COL6A5: variants seen among roughly 807,000 people sequenced by gnomAD.
The protein encoded by COL6A5 is collagen alpha-5(VI) chain.
A neutral mutation model predicts 65.6 loss-of-function variants in COL6A5; 48 were observed. The observed-to-expected ratio is 0.73, with a 90% CI of 0.58 to 0.93. The LOEUF (loss-of-function observed/expected upper bound fraction) is 0.93, where lower values mean the gene tolerates loss of function less well. Among genes scored for constraint, COL6A5 ranks in the 40% least tolerant of loss-of-function variants. COL6A5 has a pLI of 0.00. For synonymous variants in COL6A5, 291 were observed against 322.8 expected (o/e 0.90, Z 1.05); for missense variants, 914 against 928.3 (o/e 0.98, Z 0.20).
chr3:130,469,563 G>T, intron 6 of COL6A5, 82 bp downstream of exon 38: 1 of 1,116,094 alleles, frequency 9.0e-7, no homozygotes, highest in Non-Finnish European at 1.3e-6. Context: ...TTAGTAAAAT[G>T]ATCCTCACTT....
Position 130,475,507 on chromosome 3 carries a change from T to C in COL6A5, c.2328+4540T>C, listed in dbSNP as rs114833757. On this transcript the variant is annotated intron_variant, in intron 7 of 7. Transcript: ENST00000512836. ...AAGAAAAGAACTATGGACACAGAAT[T>C]TTATATCCAATAAAGATATCCCTCT... 6.2e-3 allele frequency among the ~76,000 whole-genome samples: 943 copies of C among 151,442 alleles called. 8 individuals carry two copies. The highest frequency in any genetic ancestry group is 0.021 in the African/African-American group (869 of 41,426).
At chr3:130,354,065 G>T (rs953692589) in intron 1 of COL6A5, among the ~76,000 whole-genome samples, 11 of 141,470 alleles carry the variant, frequency 7.8e-5, no homozygotes, top group African/African-American at 2.9e-4. Context: ...AAGCAAACAA[G>T]AAAGAAAAGA....
chr3:130,397,773 C>G, exon 9 of COL6A5: 1 of 1,551,642 alleles, frequency 6.4e-7, no homozygotes, highest in Middle Eastern at 1.7e-4. Flanking sequence ...TGAACAGTGA[C>G]CAAGGATTCC....
intron 7 of COL6A5, among the ~76,000 whole-genome samples, chr3:130,477,929 T>C (rs1158246332): frequency 6.6e-6 from 1 of 152,104 alleles, no homozygotes. Context: ...TCAAACCAAT[T>C]TGGCCACAGA....
intron 4 of COL6A5, among the ~76,000 whole-genome samples, chr3:130,444,047 A>G (rs555252026): frequency 6.6e-6 from 1 of 152,256 alleles, no homozygotes; most frequent in South Asian, 2.1e-4. Context: ...TTTCTCAGGG[A>G]TGTTCCTTGC....
intron 12 of COL6A5, among the ~76,000 whole-genome samples, chr3:130,402,740 T>A (rs1023393822): frequency 3.3e-5 from 5 of 152,122 alleles, no homozygotes; most frequent in African/African-American, 9.7e-5. Flanking sequence ...TACATAGACC[T>A]TATATATATA....
chr3:130,466,584 A>G (rs988999857), intron 5 of COL6A5, among the ~76,000 whole-genome samples: 8 of 151,974 alleles, frequency 5.3e-5, no homozygotes, highest in African/African-American at 1.9e-4. Context: ...AACTAGATAA[A>G]CCCAAGGTAA....
At chr3:130,395,877 T>C (rs1375582487) in intron 8 of COL6A5, among the ~76,000 whole-genome samples, 2 of 149,606 alleles carry the variant, frequency 1.3e-5, no homozygotes, top group African/African-American at 5.0e-5. Context: ...AGCCATCTTG[T>C]AAGGGACTCG....
intron 5 of COL6A5, among the ~76,000 whole-genome samples, chr3:130,386,191 A>T (rs565361577): frequency 6.6e-6 from 1 of 152,092 alleles, no homozygotes; most frequent in Admixed American, 6.6e-5. Context: ...CTAGAGTCAG[A>T]GTCAAGGTTC....
At chr3:130,402,302 T>G (rs1267253048) in intron 12 of COL6A5, among the ~76,000 whole-genome samples, 1 of 152,176 alleles carries the variant, frequency 6.6e-6, no homozygotes, top group Non-Finnish European at 1.5e-5. Flanking sequence ...GAGTTGTGCT[T>G]CATCAGTAAC....
chr3:130,378,198 C>T (rs578247089), intron 3 of COL6A5, among the ~76,000 whole-genome samples: 10 of 152,206 alleles, frequency 6.6e-5, no homozygotes, highest in African/African-American at 2.2e-4. Context: ...CTTCAATACT[C>T]AGTAGTTTCT....
intron 6 of COL6A5, 31 bp from the exon 7 acceptor site, chr3:130,391,148 G>T: frequency 6.7e-7 from 1 of 1,499,024 alleles, no homozygotes; most frequent in Non-Finnish European, 9.0e-7. Context: ...ACTGCAGAAA[G>T]TTTGTGACTC....
At chr3:130,394,592 C>G (rs1487487220) in intron 7 of COL6A5, among the ~76,000 whole-genome samples, 1 of 152,112 alleles carries the variant, frequency 6.6e-6, no homozygotes, top group East Asian at 1.9e-4. Flanking sequence ...TTATAATCAC[C>G]TTTTAATGAG....
intron 1 of COL6A5, among the ~76,000 whole-genome samples, chr3:130,350,821 TC>T (rs1348584844): frequency 6.6e-6 from 1 of 152,192 alleles, no homozygotes; most frequent in Non-Finnish European, 1.5e-5. Context: ...ACTTTAAAGT[TC>T]ATATGGAATC....
At chr3:130,402,139 GT>G (rs1227740526) in intron 12 of COL6A5, among the ~76,000 whole-genome samples, 1 of 152,120 alleles carries the variant, frequency 6.6e-6, no homozygotes, top group African/African-American at 2.4e-5. Flanking sequence ...GTGGTAAGAA[GT>G]AAAAAATAGT....
At chr3:130,364,084 G>C (rs1450542059) in intron 1 of COL6A5, among the ~76,000 whole-genome samples, 1 of 152,166 alleles carries the variant, frequency 6.6e-6, no homozygotes, top group Non-Finnish European at 1.5e-5. Flanking sequence ...AATTTTAAGA[G>C]ATAACTAAGG....
At chr3:130,391,418 G>T in exon 7 of COL6A5, 1 of 1,551,714 alleles carries the variant, frequency 6.4e-7, no homozygotes, top group Non-Finnish European at 8.7e-7. Flanking sequence ...GAAGCGCAGG[G>T]ACACTGGAGG....
In COL6A5 at chr3:130,450,913, G is replaced by A. The variant is rs1334004266; in HGVS notation, c.1333-4542G>A. ...TGAGCTGAGCCTGAGTAATTAGAAT[G>A]CCATTACTTCGATTTAGCTGAGCCT... On this transcript the variant is annotated intron_variant, in intron 4 of 7. Coordinates refer to ENST00000512836, the Ensembl canonical transcript of COL6A5. Among the ~76,000 whole-genome samples the A allele has an allele frequency of 6.6e-5, 10 of 152,096 alleles. No homozygotes were observed. In the South Asian group the frequency reaches 1.7e-3, roughly 25 times the overall value.
At chr3:130,426,392 G>C in exon 31 of COL6A5, 1 of 1,551,060 alleles carries the variant, frequency 6.4e-7, no homozygotes, top group Non-Finnish European at 8.7e-7. Context: ...CGGTTTTTGC[G>C]GGAACATAGT....
Sources: allele counts gnomAD v4.1 joint callset (sites outside exome capture counted in the v4.1 genomes callset), GRCh38; gene constraint gnomAD v4.1.1; transcripts MANE v1.5; gene names NCBI Gene and HGNC (gene_info 2026-07-23, HGNC 2026-07-21).